ARHGAP27: variants seen among roughly 807,000 people sequenced by gnomAD.
ARHGAP27 encodes Rho GTPase activating protein 27.
Under a neutral mutation model 102.0 loss-of-function variants are expected in ARHGAP27, and 53 were observed. That is an observed-to-expected ratio of 0.52 (90% CI 0.42 to 0.65). The LOEUF (loss-of-function observed/expected upper bound fraction) is 0.65, where lower values mean the gene tolerates loss of function less well. Among genes scored for constraint, ARHGAP27 ranks in the 30% least tolerant of loss-of-function variants. ARHGAP27 has a pLI of 0.00. For synonymous variants in ARHGAP27, 525 were observed against 542.8 expected, an observed-to-expected ratio of 0.97 and a Z score of 0.46; for missense variants, 1,117 against 1,256.2, an observed-to-expected ratio of 0.89 and a Z score of 1.68.
intron 4 of ARHGAP27, chr17:45,410,033 C>T (rs113006012): frequency 3.8e-4 from 245 of 641,974 alleles, no homozygotes; most frequent in African/African-American, 3.7e-3. Flanking sequence ...CCCCTGTCCA[C>T]AAGCAGGTGG....
chr17:45,397,907 A>G lies in ARHGAP27; in HGVS notation c.1842+42T>C, dbSNP rs142144632. ...GCAGAGGGCCCCACTCATAATGGCC[A>G]CCCCCTCCCCACTGCCCCTAGAGGC... On this transcript the variant is annotated intron_variant, in intron 13 of 19. Coordinates refer to ENST00000685559, the MANE Select transcript of ARHGAP27 (RefSeq NM_001282290.2). The G allele has an allele frequency of 1.3e-3, 2,037 of 1,540,144 alleles. 28 individuals are homozygous for G. In the African/African-American group the frequency reaches 0.026, roughly 19 times the overall value.
At chr17:45,421,383 G>C (rs141676974) in intron 4 of ARHGAP27, among the ~76,000 whole-genome samples, 3,816 of 151,706 alleles carry the variant, frequency 0.025, 152 homozygotes, top group African/African-American at 0.088. Flanking sequence ...TCAGGAGACT[G>C]AGGTGGGAGG....
In ARHGAP27 at chr17:45,429,626, C is replaced by T. The variant is rs771929228; in HGVS notation, c.654G>A (p.Glu218=). The change falls in exon 4 of 20, where the codon GAG becomes GAA. Residue 218 remains glutamate (E), a synonymous_variant. Transcript: ENST00000685559. ...LHVPPPEESA[E]QVDDPPEPVY... is the part of the protein sequence containing the mutation. ...GCCCCAGCGCCCGGGGAGGTACCTGCTCTGCGCTCTCCTCCGGCGGCGGGA... is the reference window on the plus strand; with the variant it reads ...GCCCCAGCGCCCGGGGAGGTACCTGTTCTGCGCTCTCCTCCGGCGGCGGGA... 4.4e-6 allele frequency: 7 copies of T among 1,581,490 alleles called. No individual in the cohort carries two copies. Among genetic ancestry groups the T allele is most frequent in the Non-Finnish European group, 5.2e-6 (6 of 1,163,786 alleles).
intron 4 of ARHGAP27, among the ~76,000 whole-genome samples, chr17:45,418,735 G>A (rs2048728349): frequency 6.6e-6 from 1 of 152,154 alleles, no homozygotes; most frequent in Admixed American, 6.5e-5. Context: ...GGCTGTGTCT[G>A]AGGTGGAGGC....
intron 4 of ARHGAP27, among the ~76,000 whole-genome samples, chr17:45,424,406 C>G (rs2049341718): frequency 1.3e-5 from 2 of 152,258 alleles, no homozygotes; most frequent in African/African-American, 4.8e-5. Context: ...AGCTCCCAAT[C>G]TCCCTAACAT....
intron 4 of ARHGAP27, among the ~76,000 whole-genome samples, chr17:45,413,524 G>A (rs117328059): frequency 1.2e-3 from 177 of 152,256 alleles, no homozygotes; most frequent in Admixed American, 2.7e-3. Flanking sequence ...CCGTCACAGG[G>A]CTGGTTCTAT....
chr17:45,396,370 C>T, intron 16 of ARHGAP27, 86 bp from the exon 17 acceptor site: 1 of 1,476,458 alleles, frequency 6.8e-7, no homozygotes, highest in Non-Finnish European at 9.0e-7. Context: ...CCACTCGGGG[C>T]CTCCCGTACT....
At position 45,404,352 on chromosome 17, in the gene ARHGAP27, T is replaced by C. The variant is rs1242578905; in HGVS notation, c.1414-18A>G. On this transcript the variant is annotated intron_variant, in intron 8 of 19. Coordinates refer to ENST00000685559, the MANE Select transcript of ARHGAP27 (RefSeq NM_001282290.2). ...GCTGGGACCTATGGGGGAAGACAGA[T>C]AGATCCCACCAAGTCCCTCCTCCCA... 1 of 1,613,924 alleles carries C rather than the reference T, an allele frequency of 6.2e-7. No homozygotes were observed. The highest frequency in any genetic ancestry group is 8.5e-7 in the Non-Finnish European group (1 of 1,179,880).
chr17:45,403,572 A>T lies in ARHGAP27; in HGVS notation c.1638+47T>A, dbSNP rs781351199. 60 of 1,422,756 alleles carry T rather than the reference A, an allele frequency of 4.2e-5. No homozygotes were observed. The Middle Eastern group carries it at 7.1e-4, about 17-fold the overall frequency. 88.1% of individuals were successfully genotyped at this position (1,422,756 alleles called of 1,614,324 possible). ...TCTCAAAAAAAATAAAAATAAAAAT[A>T]AAAAAAAGCAGATGGGATGGTCCCT... On this transcript the variant is annotated intron_variant, in intron 11 of 19. Transcript: ENST00000685559.
In ARHGAP27 at chr17:45,427,515, A is replaced by C. The variant is rs2049737252; in HGVS notation, c.657+2108T>G. Reference sequence around the variant, plus strand: ...AAGGAGTGAATGGGCCTGGAGGATCATGGTGGGGAAACTCTGCCTGGGACA... The same window carrying C: ...AAGGAGTGAATGGGCCTGGAGGATCCTGGTGGGGAAACTCTGCCTGGGACA... On this transcript the variant is annotated intron_variant, in intron 4 of 19. Coordinates refer to ENST00000685559, the MANE Select transcript of ARHGAP27 (RefSeq NM_001282290.2). The surrounding 1 kb of genome is among the most constrained non-coding windows in gnomAD (Gnocchi z 4.5). Among the ~76,000 whole-genome samples, 1 of 152,226 alleles carries C rather than the reference A, an allele frequency of 6.6e-6. No individual in the cohort carries two copies. Among genetic ancestry groups the C allele is most frequent in the Non-Finnish European group, 1.5e-5 (1 of 68,034 alleles).
rs1212945534 is a variant in ARHGAP27 at position 45,430,291 on chromosome 17, C to G, written c.-12G>C. On this transcript the variant is annotated 5_prime_UTR_variant, in exon 4 of 20. Coordinates refer to ENST00000685559, the MANE Select transcript of ARHGAP27 (RefSeq NM_001282290.2). This position sits in a 1 kb window ranked among gnomAD's most constrained non-coding sequence, Gnocchi z 4.4. Reference sequence around the variant, plus strand: ...ACGTCCGCCGCCATCGCAGCCGCGGCGTTTTCCTGCGGGCAACAAGAAGGA... The same window carrying G: ...ACGTCCGCCGCCATCGCAGCCGCGGGGTTTTCCTGCGGGCAACAAGAAGGA... 1.9e-6 allele frequency: 3 copies of G among 1,558,234 alleles called. No homozygotes were observed. The highest frequency in any genetic ancestry group is 1.9e-5 in the Admixed American group (1 of 53,336).
Position 45,396,129 on chromosome 17 carries a change from G to T in ARHGAP27, c.2252-12C>A, listed in dbSNP as rs1414798566. The T allele has an allele frequency of 6.2e-7, 1 of 1,606,718 alleles. No homozygotes were observed. The highest frequency in any genetic ancestry group is 1.3e-5 in the African/African-American group (1 of 74,740). ...GTCAAGGCGCTCATCTGTGGCGGAG[G>T]AAGGGAGGAGGACGGAAGGGAAATC... is the stretch of plus-strand genomic sequence containing the variant. On this transcript the variant is annotated splice_polypyrimidine_tract_variant and intron_variant, in intron 17 of 19. Transcript: ENST00000685559.
intron 4 of ARHGAP27, 46 bp downstream of exon 4, chr17:45,429,577 C>T (rs1425999908): frequency 6.3e-7 from 1 of 1,576,354 alleles, no homozygotes; most frequent in Non-Finnish European, 8.6e-7. Flanking sequence ...CGGGCGCGGT[C>T]CCTAGCGCGC....
rs753557561 is a variant in ARHGAP27 at position 45,395,424 on chromosome 17, C to G, written c.*32G>C. 2.5e-5 allele frequency: 39 copies of G among 1,533,434 alleles called. No homozygotes were observed. In the African/African-American group the frequency reaches 4.0e-4, roughly 16 times the overall value. The allele number at this position is 1,533,434 out of a possible 1,614,324, so 95.0% of individuals were successfully genotyped here. A position where few individuals can be genotyped will look rare whatever the true frequency, so the allele number is the denominator to read the frequency against. On this transcript the variant is annotated 3_prime_UTR_variant, in exon 20 of 20. Coordinates refer to ENST00000685559, the MANE Select transcript of ARHGAP27 (RefSeq NM_001282290.2). ...CCGCCGCCCAGCTTGTGTGGCAGGA[C>G]CGCGGCCGCCGCCCCAGTCACAGGC... is the stretch of plus-strand genomic sequence containing the variant.
chr17:45,421,328 C>T (rs139861108), intron 4 of ARHGAP27, among the ~76,000 whole-genome samples: 1,753 of 150,130 alleles, frequency 0.012, 22 homozygotes, highest in African/African-American at 0.036. Context: ...AAAATACAAA[C>T]AAAATTAGCT....
At chr17:45,399,361 G>A (rs922964454) in intron 12 of ARHGAP27, among the ~76,000 whole-genome samples, 10 of 152,156 alleles carry the variant, frequency 6.6e-5, no homozygotes, top group African/African-American at 2.2e-4. Context: ...GGGAGGCTGA[G>A]GCGGGTGGAT....
chr17:45,405,087 T>C lies in ARHGAP27; in HGVS notation c.1085A>G (p.Asp362Gly). 6.3e-7 allele frequency: 1 copy of C among 1,590,216 alleles called. No homozygotes were observed. The highest frequency in any genetic ancestry group is 2.2e-5 in the East Asian group (1 of 44,604). ...GTAACTGGTCAGCGACTCGGGGTAGTCCGTCTCGGGAGTGGGGGGCTGCGG... is the reference window on the plus strand; with the variant it reads ...GTAACTGGTCAGCGACTCGGGGTAGCCCGTCTCGGGAGTGGGGGGCTGCGG... ...GDPRPPTPET[D>G]YPESLTSYPE... Residue 362 changes from aspartate to glycine, a missense_variant, in exon 6 of 20, where the codon GAC becomes GGC. Coordinates refer to ENST00000685559, the MANE Select transcript of ARHGAP27 (RefSeq NM_001282290.2).
intron 3 of ARHGAP27, 110 bp downstream of exon 3, chr17:45,431,511 A>G (rs1242581903): frequency 1.0e-5 from 2 of 196,940 alleles, no homozygotes; most frequent in African/African-American, 4.8e-5. Context: ...GTCACTAAGC[A>G]CGCTGGGCCC....
chr17:45,430,031 CG>C lies in ARHGAP27; in HGVS notation c.248del (p.Pro83ArgfsTer16). Reference protein sequence around the residue: ...PAAAAPPGPHPSPAAPEPLAY... With the variant: ...PAAAAPPGPHXSPAAPEPLAY... ...CGAGCGGCTCAGGGGCCGCGGGGCT[CG>C]GGTGGGGACCTGGCGGCGCGGCGGC... is the stretch of plus-strand genomic sequence containing the variant. On this transcript the variant is annotated frameshift_variant, in exon 4 of 20. Coordinates refer to ENST00000685559, the MANE Select transcript of ARHGAP27 (RefSeq NM_001282290.2). LOFTEE classifies it high-confidence loss of function. This position sits in a 1 kb window ranked among gnomAD's most constrained non-coding sequence, Gnocchi z 4.4. The C allele has an allele frequency of 8.1e-7, 1 of 1,231,896 alleles. No homozygotes were observed. The highest frequency in any genetic ancestry group is 1.0e-6 in the Non-Finnish European group (1 of 987,788). 76.3% of individuals were successfully genotyped at this position (1,231,896 alleles called of 1,614,324 possible).
Sources: gnomAD v4.1 joint callset for allele counts (sites outside exome capture counted in the v4.1 genomes callset) on GRCh38, gnomAD v4.1.1 for gene constraint, Gnocchi (gnomAD v3.1) non-coding constraint, MANE v1.5 for transcripts, NCBI Gene and HGNC (gene_info 2026-07-23, HGNC 2026-07-21) for gene names.